SHC3: variants seen among roughly 807,000 people sequenced by gnomAD.
SHC3 encodes the protein SHC-transforming protein 3.
Under a neutral mutation model 60.4 loss-of-function variants are expected in SHC3, and 15 were observed. The observed-to-expected ratio is 0.25, with a 90% CI of 0.17 to 0.38. The LOEUF is 0.38. SHC3 is among the 10% of genes least tolerant of loss of function. The pLI is 1.00. For synonymous variants in SHC3, 294 were observed against 325.9 expected (o/e 0.90, Z 1.05); for missense variants, 677 against 786.1 (o/e 0.86, Z 1.66).
At chr9:89,129,968 G>T (rs528428846) in intron 1 of SHC3, among the ~76,000 whole-genome samples, 1 of 152,258 alleles carries the variant, frequency 6.6e-6, no homozygotes, top group South Asian at 2.1e-4. Flanking sequence ...CTGGCAAATT[G>T]GATAAACAGT....
At chr9:89,017,001 C>A (rs1826107549) in intron 11 of SHC3, among the ~76,000 whole-genome samples, 1 of 151,892 alleles carries the variant, frequency 6.6e-6, no homozygotes, top group Non-Finnish European at 1.5e-5. Context: ...TCTTTTTTTC[C>A]CACAAACAAT....
chr9:89,051,032 A>C (rs1364633105), intron 7 of SHC3, among the ~76,000 whole-genome samples: 2 of 152,180 alleles, frequency 1.3e-5, no homozygotes, highest in African/African-American at 4.8e-5. Context: ...GAATGTCTTA[A>C]ACGGAATTTT....
At chr9:89,109,771 T>C (rs1825919526) in intron 2 of SHC3, 4 of 985,530 alleles carry the variant, frequency 4.1e-6, no homozygotes, top group Non-Finnish European at 4.8e-6. Context: ...CACCAGGGCT[T>C]GTTTGCTCTT....
chr9:89,115,814 C>T (rs1826011771), intron 1 of SHC3, among the ~76,000 whole-genome samples: 1 of 152,182 alleles, frequency 6.6e-6, no homozygotes, highest in Non-Finnish European at 1.5e-5. Flanking sequence ...GTCACATGAA[C>T]AGCAATGACA....
At chr9:89,174,464 A>C (rs924965397) in intron 1 of SHC3, among the ~76,000 whole-genome samples, 1 of 152,202 alleles carries the variant, frequency 6.6e-6, no homozygotes, top group African/African-American at 2.4e-5. Flanking sequence ...AACCTATGTA[A>C]CTTCGCTGGA....
chr9:89,082,721 GT>G (rs2118031005), intron 2 of SHC3, among the ~76,000 whole-genome samples: 1 of 152,232 alleles, frequency 6.6e-6, no homozygotes, highest in African/African-American at 2.4e-5. Flanking sequence ...AACTGTTGGA[GT>G]CCTCCTATGC....
chr9:89,079,922 G>A (rs1455677744), intron 2 of SHC3, among the ~76,000 whole-genome samples: 1 of 152,062 alleles, frequency 6.6e-6, no homozygotes, highest in East Asian at 1.9e-4. Flanking sequence ...TTCATCACTG[G>A]CATAAATTCC....
At chr9:89,020,613 C>T (rs1348469658) in intron 11 of SHC3, among the ~76,000 whole-genome samples, 9 of 152,188 alleles carry the variant, frequency 5.9e-5, no homozygotes, top group Admixed American at 5.9e-4. Context: ...ATAAATCATC[C>T]TTACCGAAGC....
chr9:89,126,194 G>C (rs1316845047), intron 1 of SHC3, among the ~76,000 whole-genome samples: 4 of 152,140 alleles, frequency 2.6e-5, no homozygotes, highest in African/African-American at 9.7e-5. Context: ...GGATGAGATA[G>C]GGTTAGAGAC....
At chr9:89,020,067 A>G (rs1826172820) in intron 11 of SHC3, among the ~76,000 whole-genome samples, 1 of 152,144 alleles carries the variant, frequency 6.6e-6, no homozygotes, top group Non-Finnish European at 1.5e-5. Context: ...TTTACTGTTA[A>G]AAATGTGTAT....
rs555998818 is a variant in SHC3 at position 89,014,412 on chromosome 9, T to A, written c.1657-837A>T. On this transcript the variant is annotated intron_variant, in intron 11 of 11. Coordinates refer to ENST00000375835, the MANE Select transcript of SHC3 (RefSeq NM_016848.6). ...ATTTTTCGAGGAGGTCTGGACACAA[T>A]CTCCTGGGAGTTGCATGTTTGATAA... is the stretch of plus-strand genomic sequence containing the variant. Among the ~76,000 whole-genome samples the A allele has an allele frequency of 1.5e-4, 23 of 152,090 alleles. No individual in the cohort carries two copies. The East Asian group carries it at 4.3e-3, about 28-fold the overall frequency.
intron 2 of SHC3, among the ~76,000 whole-genome samples, chr9:89,080,755 AT>A (rs1564127022): frequency 1.4e-5 from 2 of 145,412 alleles, no homozygotes; most frequent in Admixed American, 1.4e-4. Context: ...ATATATATAT[AT>A]ATGTATGTAT....
At chr9:89,151,197 T>C (rs1384472865) in intron 1 of SHC3, among the ~76,000 whole-genome samples, 1 of 152,120 alleles carries the variant, frequency 6.6e-6, no homozygotes, top group African/African-American at 2.4e-5. Flanking sequence ...TTTTAAAATG[T>C]TTTGTAGACA....
At chr9:89,164,432 A>G (rs532328363) in intron 1 of SHC3, among the ~76,000 whole-genome samples, 1 of 152,136 alleles carries the variant, frequency 6.6e-6, no homozygotes, top group South Asian at 2.1e-4. Flanking sequence ...GCTAAGCCCA[A>G]AAGTGCAACT....
At chr9:89,099,904 C>G (rs1186063027) in intron 2 of SHC3, among the ~76,000 whole-genome samples, 1 of 152,120 alleles carries the variant, frequency 6.6e-6, no homozygotes, top group African/African-American at 2.4e-5. Flanking sequence ...TTTTTGTAAT[C>G]AGAAAAAATG....
At chr9:89,089,340 T>A (rs1390329893) in intron 2 of SHC3, among the ~76,000 whole-genome samples, 1 of 152,152 alleles carries the variant, frequency 6.6e-6, no homozygotes, top group African/African-American at 2.4e-5. Flanking sequence ...AGGAAGTATA[T>A]CTTGGAGGTG....
chr9:89,140,552 G>C (rs1032467050), intron 1 of SHC3, among the ~76,000 whole-genome samples: 2 of 152,080 alleles, frequency 1.3e-5, no homozygotes, highest in African/African-American at 4.8e-5. Context: ...ATCTCCAAAA[G>C]TATATTTCCT....
chr9:89,058,557 ATGGTGGAGGATGC>A (rs1367952789), intron 6 of SHC3, among the ~76,000 whole-genome samples: 3 of 137,916 alleles, frequency 2.2e-5, no homozygotes, highest in Admixed American at 7.2e-5. Flanking sequence ...GGAGGTGTAC[ATGGTGGAGGATGC>A]TGGTGGAGGA....
chr9:89,100,263 G>A (rs1186623060), intron 2 of SHC3, among the ~76,000 whole-genome samples: 1 of 152,106 alleles, frequency 6.6e-6, no homozygotes, highest in East Asian at 1.9e-4. Context: ...ACCACTTCCT[G>A]CACATATGCA....
Sources: gnomAD v4.1 joint callset for allele counts (sites outside exome capture counted in the v4.1 genomes callset) on GRCh38, gnomAD v4.1.1 for gene constraint, MANE v1.5 for transcripts, NCBI Gene and HGNC (gene_info 2026-07-23, HGNC 2026-07-21) for gene names.